Variants in DACH2 observed in about 807,000 individuals in gnomAD.
DACH2 encodes the protein dachshund homolog 2.
A neutral mutation model predicts 35.8 loss-of-function variants in DACH2; 17 were observed. The ratio of observed to expected loss-of-function variants is 0.48; its 90% CI spans 0.33 to 0.71. The LOEUF (loss-of-function observed/expected upper bound fraction) is 0.71, where lower values mean the gene tolerates loss of function less well. Ranked by LOEUF, DACH2 falls within the 30% of genes least tolerant of loss-of-function variation. The pLI, the probability that DACH2 is intolerant of heterozygous loss-of-function variation, is 0.02. For synonymous variants in DACH2, 195 were observed against 177.3 expected, an observed-to-expected ratio of 1.10 and a Z score of -0.79; for missense variants, 469 against 472.7, an observed-to-expected ratio of 0.99 and a Z score of 0.07.
chrX:86,807,166 G>C (rs900447578), intron 7 of DACH2, among the ~76,000 whole-genome samples: 1 of 111,822 alleles, frequency 8.9e-6, no homozygotes, highest in Non-Finnish European at 1.9e-5. Flanking sequence ...TTTTTACCTA[G>C]AGAAGGGTAT....
At chrX:86,575,394 A>G (rs1239156565) in intron 3 of DACH2, among the ~76,000 whole-genome samples, 4 of 111,334 alleles carry the variant, frequency 3.6e-5, no homozygotes, top group Non-Finnish European at 7.5e-5. Flanking sequence ...TGATTTCAAT[A>G]AAAGTTGGCA....
Position 86,383,493 on chromosome X carries a change from G to A in DACH2, c.527+6631G>A, listed in dbSNP as rs186791822. ...TAGTCTGAACGAAGCCTTGGCAAAC[G>A]AAACTTGTTATCTTTTATCAGAAAA... On this transcript the variant is annotated intron_variant, in intron 2 of 11. Transcript: ENST00000373125. Among the ~76,000 whole-genome samples the A allele has an allele frequency of 4.8e-3, 494 of 103,866 alleles. 3 individuals carry two copies. The highest frequency in any genetic ancestry group is 0.015 in the African/African-American group (434 of 28,503). 90.2% of individuals were successfully genotyped at this position (103,866 alleles called of 115,157 possible).
intron 1 of DACH2, among the ~76,000 whole-genome samples, chrX:86,304,059 G>A (rs1384681751): frequency 1.8e-5 from 2 of 111,644 alleles, no homozygotes; most frequent in Admixed American, 1.9e-4. Flanking sequence ...AAAATAAAGA[G>A]CCCAGATAAA....
intron 2 of DACH2, among the ~76,000 whole-genome samples, chrX:86,484,276 G>C (rs2037987074): frequency 9.0e-6 from 1 of 111,709 alleles, no homozygotes; most frequent in South Asian, 3.7e-4. Flanking sequence ...TCAAAGTATA[G>C]TCATAGTTTC....
chrX:86,657,120 G>A (rs2040552493), intron 4 of DACH2, among the ~76,000 whole-genome samples: 1 of 107,420 alleles, frequency 9.3e-6, no homozygotes, highest in African/African-American at 3.4e-5. Flanking sequence ...AGGTGATGTG[G>A]GGAGGGTTAA....
chrX:86,827,293 A>C (rs186397876), intron 11 of DACH2, among the ~76,000 whole-genome samples: 24 of 112,051 alleles, frequency 2.1e-4, no homozygotes, highest in Admixed American at 1.2e-3. Flanking sequence ...AAAAAACAGG[A>C]TAGGCCTTTA....
At chrX:86,157,645 T>C (rs994864087) in intron 1 of DACH2, among the ~76,000 whole-genome samples, 40 of 111,468 alleles carry the variant, frequency 3.6e-4, no homozygotes, top group African/African-American at 1.2e-3. Flanking sequence ...ATAAAAGGTG[T>C]ATTGGATTAA....
chrX:86,225,473 TAA>T (rs1423958684), intron 1 of DACH2, among the ~76,000 whole-genome samples: 1 of 111,445 alleles, frequency 9.0e-6, no homozygotes, highest in Non-Finnish European at 1.9e-5. Flanking sequence ...CTTTTTTGCA[TAA>T]AGTGTCTCAA....
chrX:86,452,667 G>T (rs1324108770), intron 2 of DACH2, among the ~76,000 whole-genome samples: 4 of 111,245 alleles, frequency 3.6e-5, no homozygotes, highest in Admixed American at 2.9e-4. Flanking sequence ...AGTCAGTGGT[G>T]ATCCCCTTTA....
chrX:86,304,922 C>G (rs1405016576), intron 1 of DACH2: 1 of 123,913 alleles, frequency 8.1e-6, no homozygotes, highest in Non-Finnish European at 1.8e-5. Context: ...GTCAGTGGAG[C>G]CCCTGACTAA....
chrX:86,747,806 T>C (rs1477947382), intron 7 of DACH2, among the ~76,000 whole-genome samples: 2 of 111,568 alleles, frequency 1.8e-5, no homozygotes, highest in Admixed American at 1.9e-4. Context: ...CAATTGACTT[T>C]TCCTTTCATG....
intron 3 of DACH2, among the ~76,000 whole-genome samples, chrX:86,557,339 G>C (rs2206044): frequency 0.26 from 28,504 of 110,422 alleles, 4,909 homozygotes; most frequent in African/African-American, 0.64. Context: ...CAACATGTGG[G>C]TGGGCTTTTA....
intron 6 of DACH2, among the ~76,000 whole-genome samples, chrX:86,723,109 C>T (rs2041425770): frequency 8.9e-6 from 1 of 111,786 alleles, no homozygotes; most frequent in African/African-American, 3.2e-5. Flanking sequence ...AGTATGCAAG[C>T]TTTTACTTCT....
intron 1 of DACH2, among the ~76,000 whole-genome samples, chrX:86,301,467 A>G (rs1376262259): frequency 5.4e-5 from 6 of 111,941 alleles, no homozygotes; most frequent in East Asian, 5.6e-4. Context: ...GTGGTCAATG[A>G]TAGTCTTAAC....
At chrX:86,453,006 G>A (rs2037407786) in intron 2 of DACH2, among the ~76,000 whole-genome samples, 1 of 111,301 alleles carries the variant, frequency 9.0e-6, no homozygotes, top group Non-Finnish European at 1.9e-5. Context: ...CAGAGATTCT[G>A]GTATGTTGCC....
At chrX:86,626,741 C>A (rs1277804807) in intron 3 of DACH2, among the ~76,000 whole-genome samples, 4 of 112,925 alleles carry the variant, frequency 3.5e-5, no homozygotes, top group Non-Finnish European at 5.6e-5. Flanking sequence ...TCTTCTGAAG[C>A]AACAGCCTGA....
At chrX:86,290,480 G>C (rs1478821745) in intron 1 of DACH2, among the ~76,000 whole-genome samples, 2 of 85,661 alleles carry the variant, frequency 2.3e-5, no homozygotes, top group African/African-American at 9.5e-5. Flanking sequence ...TGGTGTTTAA[G>C]ACATGAAGTC....
chrX:86,486,694 A>G (rs1441318506), intron 2 of DACH2, among the ~76,000 whole-genome samples: 1 of 111,641 alleles, frequency 9.0e-6, no homozygotes, highest in Non-Finnish European at 1.9e-5. Flanking sequence ...CTCATACAAT[A>G]TAATATATAT....
chrX:86,363,141 A>T (rs1241735529), intron 1 of DACH2, among the ~76,000 whole-genome samples: 3 of 111,513 alleles, frequency 2.7e-5, no homozygotes, highest in African/African-American at 9.7e-5. Flanking sequence ...TTTCCTTAGT[A>T]AAAATTTTCC....
Sources: gnomAD v4.1 joint callset for allele counts (sites outside exome capture counted in the v4.1 genomes callset) on GRCh38, gnomAD v4.1.1 for gene constraint, MANE v1.5 for transcripts, NCBI Gene and HGNC (gene_info 2026-07-23, HGNC 2026-07-21) for gene names.